Variants in XPO7 observed in about 807,000 individuals in gnomAD.
The protein encoded by XPO7 is exportin 7.
Under a neutral mutation model 144.3 loss-of-function variants are expected in XPO7, and 21 were observed. The ratio of observed to expected loss-of-function variants is 0.15; its 90% confidence interval spans 0.10 to 0.21. The LOEUF is 0.21. XPO7 is among the 10% of genes least tolerant of loss of function. The probability of loss-of-function intolerance (pLI) is 1.00; values close to 1 mark genes in which losing one functional copy is unlikely to be tolerated. For synonymous variants in XPO7, 580 were observed against 499.6 expected (o/e 1.16, Z -2.15); for missense variants, 808 against 1,325.8 (o/e 0.61, Z 6.06).
chr8:21,999,025 A>G (rs923734838), intron 22 of XPO7, 66 bp from the exon 23 acceptor site: 1 of 1,582,740 alleles, frequency 6.3e-7, no homozygotes, highest in African/African-American at 1.3e-5. Context: ...CCTTTGGAGT[A>G]GGAAGGCTGA....
Position 21,919,791 on chromosome 8 carries a change from G to T in XPO7, c.18+3G>T, listed in dbSNP as rs1459488168. The T allele has an allele frequency of 1.7e-6, 1 of 578,752 alleles. No homozygotes were observed. The highest frequency in any genetic ancestry group is 4.9e-5 in the East Asian group (1 of 20,274). 35.9% of individuals were successfully genotyped at this position (578,752 alleles called of 1,614,324 possible). Reference sequence around the variant, plus strand: ...GCAAAATGGCGGATCATGTGCAGGTGAGAGGAGCCGCGGGGGGGAGGGGGC... The same window carrying T: ...GCAAAATGGCGGATCATGTGCAGGTTAGAGGAGCCGCGGGGGGGAGGGGGC... On this transcript the variant is annotated splice_donor_region_variant and intron_variant, in intron 1 of 27. Coordinates refer to ENST00000252512, the MANE Select transcript of XPO7 (RefSeq NM_015024.5).
Position 21,969,573 on chromosome 8 carries a change from A to G in XPO7, c.256A>G (p.Ile86Val). 6.2e-7 allele frequency: 1 copy of G among 1,612,892 alleles called. No homozygotes were observed. Among genetic ancestry groups the G allele is most frequent in the Non-Finnish European group, 8.5e-7 (1 of 1,179,092 alleles). The change falls in exon 3 of 28, where the codon ATT becomes GTT. Residue 86 changes from isoleucine (I) to valine (V), a missense_variant. By Grantham distance (29) the Ile-to-Val change is conservative. Coordinates refer to ENST00000252512, the MANE Select transcript of XPO7 (RefSeq NM_015024.5). ...NPLPLEQRIDIRNYVLNYLAT... is the reference protein window; with the variant it reads ...NPLPLEQRIDVRNYVLNYLAT... Reference sequence around the variant, plus strand: ...CCTACCATTGGAACAGCGAATAGATATTCGTAAGTGGAGAATTTTCTGTTC... The same window carrying G: ...CCTACCATTGGAACAGCGAATAGATGTTCGTAAGTGGAGAATTTTCTGTTC...
intron 1 of XPO7, among the ~76,000 whole-genome samples, chr8:21,923,426 A>T (rs1268249717): frequency 6.6e-6 from 1 of 152,216 alleles, no homozygotes; most frequent in Non-Finnish European, 1.5e-5. Context: ...TCGTGGGTTT[A>T]TACAAATAAT....
intron 26 of XPO7, 79 bp from the exon 27 acceptor site, chr8:22,003,824 C>CT: frequency 6.3e-7 from 1 of 1,592,268 alleles, no homozygotes; most frequent in East Asian, 2.2e-5. Flanking sequence ...GAAGAACATT[C>CT]TTCAACCCTG....
intron 1 of XPO7, among the ~76,000 whole-genome samples, chr8:21,926,487 T>G (rs1455648082): frequency 1.3e-5 from 2 of 152,214 alleles, no homozygotes; most frequent in Admixed American, 1.3e-4. Context: ...TTTCCAATTC[T>G]ATTTAAAATT....
intron 21 of XPO7, among the ~76,000 whole-genome samples, chr8:21,998,124 T>C (rs1271976029): frequency 6.6e-6 from 1 of 152,180 alleles, no homozygotes; most frequent in Non-Finnish European, 1.5e-5. Context: ...TGCATTAGTA[T>C]CAAGAGGCGA....
chr8:21,970,917 G>A (rs933845772), intron 4 of XPO7, among the ~76,000 whole-genome samples: 5 of 152,138 alleles, frequency 3.3e-5, no homozygotes, highest in African/African-American at 1.2e-4. Flanking sequence ...CTGTAGTGGT[G>A]TACAGCAATG....
At chr8:21,926,799 T>C (rs1391624732) in intron 1 of XPO7, among the ~76,000 whole-genome samples, 2 of 152,168 alleles carry the variant, frequency 1.3e-5, no homozygotes, top group African/African-American at 4.8e-5. Flanking sequence ...TTTTGCCCAA[T>C]ATATAGCCAC....
chr8:21,936,337 C>A (rs1470490781), intron 1 of XPO7, among the ~76,000 whole-genome samples: 1 of 152,136 alleles, frequency 6.6e-6, no homozygotes, highest in Non-Finnish European at 1.5e-5. Context: ...ACAATTTTTG[C>A]CCTTTTGTTT....
At chr8:21,934,409 T>A (rs1585419482) in intron 1 of XPO7, among the ~76,000 whole-genome samples, 1 of 152,142 alleles carries the variant, frequency 6.6e-6, no homozygotes, top group Non-Finnish European at 1.5e-5. Flanking sequence ...GGCGCATGCC[T>A]GTAATCCCAG....
chr8:21,974,376 A>G (rs1418426327), intron 5 of XPO7, among the ~76,000 whole-genome samples: 2 of 152,064 alleles, frequency 1.3e-5, no homozygotes, highest in Non-Finnish European at 2.9e-5. Context: ...AACGTCTGCC[A>G]ACAATTTAAG....
At chr8:21,972,606 C>A (rs1392261699) in intron 5 of XPO7, among the ~76,000 whole-genome samples, 2 of 152,188 alleles carry the variant, frequency 1.3e-5, no homozygotes, top group African/African-American at 2.4e-5. Context: ...GTCATTGATG[C>A]CACAGAATAC....
At chr8:21,992,118 G>A (rs183702298) in intron 19 of XPO7, 144 bp downstream of exon 19, 1 of 526,054 alleles carries the variant, frequency 1.9e-6, no homozygotes, top group Admixed American at 3.8e-5. Context: ...TGCAGAACCA[G>A]TATAGATTTG....
At chr8:21,953,631 T>TG (rs1199973030) in intron 1 of XPO7, among the ~76,000 whole-genome samples, 1 of 152,220 alleles carries the variant, frequency 6.6e-6, no homozygotes, top group Non-Finnish European at 1.5e-5. Flanking sequence ...TTTTGCATTC[T>TG]CACCAACAGT....
At chr8:21,970,074 G>A (rs532127348) in intron 3 of XPO7, 70 bp from the exon 4 acceptor site, 63 of 1,535,538 alleles carry the variant, frequency 4.1e-5, no homozygotes, top group Non-Finnish European at 5.5e-5. Flanking sequence ...CATGTCTAAA[G>A]ATATACACCC....
chr8:21,967,671 T>A (rs150616319), intron 2 of XPO7, among the ~76,000 whole-genome samples: 12 of 152,222 alleles, frequency 7.9e-5, no homozygotes, highest in Admixed American at 2.6e-4. Flanking sequence ...TAGTACAAGA[T>A]CCTCAGTCTT....
chr8:21,974,866 C>G, intron 6 of XPO7, 92 bp downstream of exon 6: 1 of 1,044,352 alleles, frequency 9.6e-7, no homozygotes, highest in South Asian at 1.6e-5. Context: ...TAACTGATCC[C>G]ACGAGAGTTT....
intron 1 of XPO7, among the ~76,000 whole-genome samples, chr8:21,930,438 T>C (rs1810607611): frequency 6.6e-6 from 1 of 152,172 alleles, no homozygotes. Flanking sequence ...CATCTATGCA[T>C]AGAACATAAG....
chr8:21,924,792 T>C (rs1003342670), intron 1 of XPO7, among the ~76,000 whole-genome samples: 2 of 152,232 alleles, frequency 1.3e-5, no homozygotes, highest in Admixed American at 6.5e-5. Context: ...TTTTGACTTA[T>C]TTGAAAAGCA....
Sources: allele counts gnomAD v4.1 joint callset (sites outside exome capture counted in the v4.1 genomes callset), GRCh38; gene constraint gnomAD v4.1.1; transcripts MANE v1.5; gene names NCBI Gene and HGNC (gene_info 2026-07-23, HGNC 2026-07-21).